The following ITPR1 variants were observed in gnomAD, a reference collection of about 807,000 sequenced individuals.
The protein encoded by ITPR1 is inositol 1,4,5-trisphosphate receptor type 1.
ITPR1 carries 96 observed loss-of-function variants against 318.4 expected under a neutral mutation model. The ratio of observed to expected loss-of-function variants is 0.30; its 90% confidence interval spans 0.26 to 0.36. The LOEUF is 0.36. Ranked by LOEUF, ITPR1 falls within the 10% of genes least tolerant of loss-of-function variation. ITPR1 has a pLI of 1.00. For synonymous variants in ITPR1, 1,312 were observed against 1,289.9 expected, an observed-to-expected ratio of 1.02 and a Z score of -0.37; for missense variants, 2,440 against 3,460.2, an observed-to-expected ratio of 0.71 and a Z score of 7.40.
intron 44 of ITPR1, 86 bp downstream of exon 44, chr3:4,735,440 C>A: frequency 8.5e-7 from 1 of 1,171,912 alleles, no homozygotes; most frequent in Non-Finnish European, 1.3e-6. Flanking sequence ...TGGGTGGTAC[C>A]AAGCCTTGTT....
Position 4,516,518 on chromosome 3 carries a change from A to G in ITPR1, c.27A>G (p.Leu9=), listed in dbSNP as rs1412159913. ...TGTCTGACAAAATGTCTAGCTTCCT[A>G]CATATTGGAGACATTTGTTCTCTGT... MSDKMSSF[L]HIGDICSLYA... Residue 9 remains leucine, a synonymous_variant, in exon 3 of 62, where the codon CTA becomes CTG. Transcript: ENST00000649015. 7 of 1,595,208 alleles carry G rather than the reference A, an allele frequency of 4.4e-6. No homozygotes were observed. In the South Asian group the frequency reaches 6.9e-5, roughly 16 times the overall value.
chr3:4,676,449 A>G (rs1042639719), intron 23 of ITPR1, among the ~76,000 whole-genome samples, 165 bp from the exon 24 acceptor site: 1 of 152,180 alleles, frequency 6.6e-6, no homozygotes, highest in African/African-American at 2.4e-5. Flanking sequence ...TCAGAAGCCC[A>G]GATTTTTGAT....
At chr3:4,524,328 T>A (rs1005000122) in intron 4 of ITPR1, among the ~76,000 whole-genome samples, 1 of 126,896 alleles carries the variant, frequency 7.9e-6, no homozygotes, top group Non-Finnish European at 1.7e-5. Context: ...TTTTTTTTTT[T>A]AAATGAAGAG....
rs867720914 is a variant in ITPR1, at chr3:4,643,601, G to C, written c.526-535G>C. On this transcript the variant is annotated intron_variant, in intron 7 of 61. Transcript: ENST00000649015. ...ATAATGATAAGTATTGTTTTTTTGG[G>C]GGGGGGGTAACTTTTGTTTTAGTTA... is the stretch of plus-strand genomic sequence containing the variant. 1.5e-3 allele frequency among the ~76,000 whole-genome samples: 219 copies of C among 150,708 alleles called. 1 individual carries two copies. Among genetic ancestry groups the C allele is most frequent in the South Asian group, 7.8e-3 (37 of 4,772 alleles).
intron 45 of ITPR1, among the ~76,000 whole-genome samples, chr3:4,767,568 G>C (rs1375183231): frequency 6.6e-6 from 1 of 152,236 alleles, no homozygotes; most frequent in Non-Finnish European, 1.5e-5. Context: ...GCCCAGGTTA[G>C]AGTGCAGTGG....
intron 4 of ITPR1, among the ~76,000 whole-genome samples, chr3:4,594,546 G>A (rs1205066175): frequency 6.6e-6 from 1 of 152,168 alleles, no homozygotes; most frequent in Non-Finnish European, 1.5e-5. Flanking sequence ...CATTCTTAGT[G>A]TGTGCCTATT....
chr3:4,815,422 C>A (rs557588476), intron 59 of ITPR1, among the ~76,000 whole-genome samples: 1 of 152,298 alleles, frequency 6.6e-6, no homozygotes, highest in Non-Finnish European at 1.5e-5. Context: ...ATTTACAGAC[C>A]TGGGTTCTGA....
chr3:4,773,866 G>A (rs181656126), intron 46 of ITPR1, among the ~76,000 whole-genome samples: 40 of 152,336 alleles, frequency 2.6e-4, no homozygotes, highest in African/African-American at 7.0e-4. Flanking sequence ...GAGCAAAAGG[G>A]ATTTGGGTTA....
chr3:4,638,246 TATC>T (rs1361851445), intron 5 of ITPR1, among the ~76,000 whole-genome samples: 1 of 152,218 alleles, frequency 6.6e-6, no homozygotes, highest in African/African-American at 2.4e-5. Flanking sequence ...AGAACACTCT[TATC>T]ATCAGGGTTT....
intron 4 of ITPR1, among the ~76,000 whole-genome samples, chr3:4,591,135 C>T (rs148752818): frequency 3.8e-4 from 58 of 152,246 alleles, no homozygotes; most frequent in African/African-American, 1.4e-3. Context: ...CATTGATGGG[C>T]ATTTAGGTTA....
intron 55 of ITPR1, among the ~76,000 whole-genome samples, chr3:4,808,400 G>T (rs777575949): frequency 6.9e-6 from 1 of 144,414 alleles, no homozygotes; most frequent in Non-Finnish European, 1.5e-5. Flanking sequence ...CCTTGCATCA[G>T]TGAAACTGGC....
chr3:4,645,848 C>A, intron 10 of ITPR1, 120 bp downstream of exon 10: 1 of 870,146 alleles, frequency 1.1e-6, no homozygotes, highest in Non-Finnish European at 1.8e-6. Context: ...GTCTATACAC[C>A]CACATACACA....
chr3:4,544,166 G>A (rs190679552), intron 4 of ITPR1, among the ~76,000 whole-genome samples: 7 of 152,278 alleles, frequency 4.6e-5, no homozygotes. Context: ...TGGAAGTGAG[G>A]TTTTGTCTTT....
At chr3:4,638,515 A>T (rs1023175160) in intron 5 of ITPR1, among the ~76,000 whole-genome samples, 3 of 152,230 alleles carry the variant, frequency 2.0e-5, no homozygotes, top group African/African-American at 7.2e-5. Context: ...AGCATGTCAC[A>T]TTTGGAATGG....
intron 60 of ITPR1, among the ~76,000 whole-genome samples, chr3:4,823,494 G>A (rs116781663): frequency 6.6e-6 from 1 of 152,320 alleles, no homozygotes; most frequent in African/African-American, 2.4e-5. Flanking sequence ...ATGAAATCCT[G>A]TCATTTGCAG....
At chr3:4,746,548 G>GATA (rs77654837) in intron 44 of ITPR1, among the ~76,000 whole-genome samples, 34,188 of 152,074 alleles carry the variant, frequency 0.22, 4,104 homozygotes, top group Non-Finnish European at 0.27. Context: ...CTGAGGCAGA[G>GATA]ATAATGGGTT....
intron 19 of ITPR1, 32 bp from the exon 20 acceptor site, chr3:4,670,697 A>C: frequency 7.0e-7 from 1 of 1,430,416 alleles, no homozygotes; most frequent in Non-Finnish European, 9.7e-7. Flanking sequence ...TTTTAAAAAT[A>C]GTAACTTTTC....
chr3:4,604,943 T>C (rs921638078), intron 4 of ITPR1, among the ~76,000 whole-genome samples: 1 of 151,846 alleles, frequency 6.6e-6, no homozygotes. Context: ...TGAGAAGACA[T>C]CAGACAAGCC....
chr3:4,688,548 G>C lies in ITPR1; in HGVS notation c.3756G>C (p.Gln1252His). ...TGAGGTTGGCTCATGAATTTTTGCA[G>C]AATTTCTGCGCAGGCAACCAGCAGA... ...EIMRLAHEFL[Q>H]NFCAGNQQNQ... The change falls in exon 31 of 62, where the codon CAG (glutamine) becomes CAC (histidine). Residue 1252 changes from glutamine to histidine, a missense_variant. Physicochemically the swap from Gln to His is conservative, Grantham distance 24. Transcript: ENST00000649015. 1 of 1,614,010 alleles carries C rather than the reference G, an allele frequency of 6.2e-7. No individual in the cohort carries two copies. Among genetic ancestry groups the C allele is most frequent in the Non-Finnish European group, 8.5e-7 (1 of 1,179,854 alleles).
Sources: allele counts gnomAD v4.1 joint callset (sites outside exome capture counted in the v4.1 genomes callset), GRCh38; gene constraint gnomAD v4.1.1; transcripts MANE v1.5; gene names NCBI Gene and HGNC (gene_info 2026-07-23, HGNC 2026-07-21).